SPOCK3: variants seen among roughly 807,000 people sequenced by gnomAD.
The protein encoded by SPOCK3 is SPARC (osteonectin), cwcv and kazal like domains proteoglycan 3.
SPOCK3 carries 30 observed loss-of-function variants against 56.6 expected under a neutral mutation model. The ratio of observed to expected loss-of-function variants is 0.53; its 90% CI spans 0.40 to 0.72. The LOEUF is 0.72. SPOCK3 is among the 30% of genes least tolerant of loss of function. The probability of loss-of-function intolerance (pLI) is 0.00; values close to 1 mark genes in which losing one functional copy is unlikely to be tolerated. For missense variants in SPOCK3, 527 were observed against 530.0 expected, an observed-to-expected ratio of 0.99 and a Z score of 0.06; for synonymous variants, 196 against 183.3, an observed-to-expected ratio of 1.07 and a Z score of -0.56.
In SPOCK3 at chr4:166,756,052, G is replaced by A. The variant is rs1168575437; in HGVS notation, c.710-1323C>T. 5.8e-5 allele frequency among the ~76,000 whole-genome samples: 2 copies of A among 34,350 alleles called. 1 individual carries two copies. The highest frequency in any genetic ancestry group is 2.9e-3 in the South Asian group (2 of 698). The allele number at this position is 34,350 out of a possible 152,430, so 22.5% of individuals were successfully genotyped here. On this transcript the variant is annotated intron_variant, in intron 7 of 10. Transcript: ENST00000357545. ...TGCGCACCGTGCGCGAGCCGAAGCA[G>A]GGCGAGGCATTGCCTCACCTGGGAA...
intron 6 of SPOCK3, among the ~76,000 whole-genome samples, chr4:166,806,087 A>G (rs2126707221): frequency 6.6e-6 from 1 of 152,220 alleles, no homozygotes; most frequent in Non-Finnish European, 1.5e-5. Flanking sequence ...TGCTTAAATT[A>G]TGTGATATTG....
intron 6 of SPOCK3, among the ~76,000 whole-genome samples, chr4:166,864,867 G>T (rs748430329): frequency 5.3e-5 from 8 of 152,028 alleles, no homozygotes; most frequent in Non-Finnish European, 1.0e-4. Flanking sequence ...AAGAGGATCT[G>T]GTACCATTCC....
At chr4:167,053,199 C>T (rs1332260651) in intron 3 of SPOCK3, among the ~76,000 whole-genome samples, 4 of 152,110 alleles carry the variant, frequency 2.6e-5, no homozygotes, top group Admixed American at 2.6e-4. Flanking sequence ...CATGACTGCC[C>T]TTCCAAAGAG....
At chr4:167,010,578 G>A (rs1157611692) in intron 3 of SPOCK3, among the ~76,000 whole-genome samples, 1 of 147,252 alleles carries the variant, frequency 6.8e-6, no homozygotes, top group Non-Finnish European at 1.5e-5. Flanking sequence ...ATACATTTAT[G>A]AAAAATATGT....
At chr4:167,015,121 T>G (rs1750491525) in intron 3 of SPOCK3, among the ~76,000 whole-genome samples, 1 of 151,968 alleles carries the variant, frequency 6.6e-6, no homozygotes, top group Admixed American at 6.6e-5. Context: ...TCACAGAGGG[T>G]GCTCCTCTAG....
chr4:166,737,322 T>G (rs1011833472), intron 10 of SPOCK3, 145 bp downstream of exon 10: 1 of 805,236 alleles, frequency 1.2e-6, no homozygotes, highest in Non-Finnish European at 1.8e-6. Context: ...AGGAGTAAGT[T>G]TTTTTTGTCA....
chr4:166,857,399 G>A (rs950291651), intron 6 of SPOCK3, among the ~76,000 whole-genome samples: 2 of 152,120 alleles, frequency 1.3e-5, no homozygotes, highest in African/African-American at 4.8e-5. Flanking sequence ...GGATTCTGCT[G>A]GACAGAGACC....
intron 6 of SPOCK3, among the ~76,000 whole-genome samples, chr4:166,836,274 A>G (rs1038409307): frequency 5.3e-5 from 8 of 152,204 alleles, no homozygotes; most frequent in Non-Finnish European, 8.8e-5. Context: ...AAACAGTGCA[A>G]GAATAATATA....
rs1239105047 is a variant in SPOCK3, at chr4:166,749,761, C to T, written c.931+4747G>A. Among the ~76,000 whole-genome samples, 2 of 151,692 alleles carry T rather than the reference C, an allele frequency of 1.3e-5. 1 individual carries two copies. ...GATCCAATTGATCCCTTTGTTATTC[C>T]TGATAATCTTCTGAGTCTCTTATAT... is the stretch of plus-strand genomic sequence containing the variant. On this transcript the variant is annotated intron_variant, in intron 8 of 10. Coordinates refer to ENST00000357545, the MANE Select transcript of SPOCK3 (RefSeq NM_001040159.2).
At chr4:166,822,348 G>A (rs940825968) in intron 6 of SPOCK3, among the ~76,000 whole-genome samples, 1 of 152,132 alleles carries the variant, frequency 6.6e-6, no homozygotes, top group Admixed American at 6.5e-5. Flanking sequence ...TTGTCACACA[G>A]AGTCATTATG....
At chr4:167,158,487 A>G (rs560016617) in intron 2 of SPOCK3, among the ~76,000 whole-genome samples, 1 of 152,104 alleles carries the variant, frequency 6.6e-6, no homozygotes, top group South Asian at 2.1e-4. Flanking sequence ...AGTACAGTAG[A>G]GTTTTGTCAG....
At chr4:167,205,336 ATATAT>A (rs1446630737) in intron 2 of SPOCK3, among the ~76,000 whole-genome samples, 8 of 44,086 alleles carry the variant, frequency 1.8e-4, no homozygotes, top group Admixed American at 4.6e-4. Flanking sequence ...AATATATATT[ATATAT>A]TATATATATA....
chr4:166,847,377 G>A (rs565704536), intron 6 of SPOCK3, among the ~76,000 whole-genome samples: 150 of 151,960 alleles, frequency 9.9e-4, no homozygotes, highest in African/African-American at 3.4e-3. Flanking sequence ...AAAGGTTTCT[G>A]AGGAATGCAA....
chr4:167,092,912 AAAT>A (rs1302707660), intron 2 of SPOCK3, among the ~76,000 whole-genome samples: 13 of 152,274 alleles, frequency 8.5e-5, no homozygotes, highest in South Asian at 4.1e-4. Context: ...AATGTCAAAT[AAAT>A]AATAGCGAGT....
At chr4:166,735,490 C>A (rs1387519608) in intron 10 of SPOCK3, among the ~76,000 whole-genome samples, 1 of 151,798 alleles carries the variant, frequency 6.6e-6, no homozygotes, top group Non-Finnish European at 1.5e-5. Flanking sequence ...GTTACCTTAA[C>A]ATGAAAAAGT....
chr4:167,026,434 C>T (rs754022624), intron 3 of SPOCK3, among the ~76,000 whole-genome samples: 3 of 151,996 alleles, frequency 2.0e-5, no homozygotes, highest in Non-Finnish European at 2.9e-5. Flanking sequence ...GAAAAACACT[C>T]TGCAATTTTC....
At chr4:167,069,722 C>T (rs1050802117) in intron 2 of SPOCK3, among the ~76,000 whole-genome samples, 1 of 151,918 alleles carries the variant, frequency 6.6e-6, no homozygotes, top group East Asian at 1.9e-4. Flanking sequence ...TAATTAATCA[C>T]GCAAATCCTT....
chr4:167,145,521 A>C (rs547449517), intron 2 of SPOCK3, among the ~76,000 whole-genome samples: 3 of 152,152 alleles, frequency 2.0e-5, no homozygotes, highest in African/African-American at 7.2e-5. Flanking sequence ...AGGCCAAGGA[A>C]ATGAAAAGGA....
rs148251431 is a variant in SPOCK3 at position 167,151,012 on chromosome 4, A to T, written c.189+82973T>A. Among the ~76,000 whole-genome samples, 1,010 of 152,316 alleles carry T rather than the reference A, an allele frequency of 6.6e-3. 3 individuals carry two copies. Among genetic ancestry groups the T allele is most frequent in the Non-Finnish European group, 0.011 (717 of 68,024 alleles). On this transcript the variant is annotated intron_variant, in intron 2 of 10. Transcript: ENST00000357545. ...CTTTTTGATTGAGGCAGTTGAAGAC[A>T]ATATTGCATCTGAGCCCATCATCTG...
Sources: allele counts gnomAD v4.1 joint callset (sites outside exome capture counted in the v4.1 genomes callset), GRCh38; gene constraint gnomAD v4.1.1; transcripts MANE v1.5; gene names NCBI Gene and HGNC (gene_info 2026-07-23, HGNC 2026-07-21).